CLCN5: variants seen among roughly 807,000 people sequenced by gnomAD.
CLCN5 encodes the protein H(+)/Cl(-) exchange transporter 5.
In CLCN5, 17 loss-of-function variants were observed where a neutral mutation model predicts 54.0. The ratio of observed to expected loss-of-function variants is 0.31; its 90% CI spans 0.22 to 0.47. CLCN5 has a LOEUF of 0.47. CLCN5 is among the 20% of genes least tolerant of loss of function. The pLI is 1.00. For missense variants in CLCN5, 448 were observed against 646.7 expected (o/e 0.69, Z 3.33); for synonymous variants, 222 against 233.0 (o/e 0.95, Z 0.43).
At chrX:50,068,769 A>G (rs1426648153) in intron 4 of CLCN5, among the ~76,000 whole-genome samples, 4 of 111,158 alleles carry the variant, frequency 3.6e-5, no homozygotes, top group Non-Finnish European at 7.5e-5. Context: ...GTCTGGAGGA[A>G]GCCTTGTCCC....
chrX:50,058,134 T>C (rs1452434045), intron 4 of CLCN5, among the ~76,000 whole-genome samples: 2 of 111,832 alleles, frequency 1.8e-5, no homozygotes, highest in Non-Finnish European at 3.8e-5. Flanking sequence ...CTGAAATACA[T>C]TTTTTAAAGG....
intron 4 of CLCN5, among the ~76,000 whole-genome samples, chrX:50,044,735 C>G (rs1932337710): frequency 9.0e-6 from 1 of 111,407 alleles, no homozygotes; most frequent in Non-Finnish European, 1.9e-5. Context: ...TACATTATCA[C>G]AAGGGCAGGG....
rs1271919936 is a variant in CLCN5, at chrX:50,097,853, G to A, written c.*5634G>A. 8.9e-6 allele frequency: 1 copy of A among 112,324 alleles called. No individual in the cohort carries two copies. Among genetic ancestry groups the A allele is most frequent in the African/African-American group, 3.2e-5 (1 of 30,810 alleles). 9.3% of individuals were successfully genotyped at this position (112,324 alleles called of 1,213,427 possible). A position where few individuals can be genotyped will look rare whatever the true frequency, so the allele number is the denominator to read the frequency against. On this transcript the variant is annotated 3_prime_UTR_variant, in exon 15 of 15. Transcript: ENST00000376091. ...TAGCATCTCAAGGCAGACATATGAA[G>A]TATTTACTGCTAAACTATATTACTT...
chrX:49,989,606 C>T (rs982961026), intron 3 of CLCN5, among the ~76,000 whole-genome samples: 4 of 111,908 alleles, frequency 3.6e-5, no homozygotes, highest in Non-Finnish European at 7.5e-5. Flanking sequence ...ACATACAGAG[C>T]ACCTACTTTC....
chrX:50,098,575 T>C lies in CLCN5; in HGVS notation c.*6356T>C. ...GACTCGACATTTTAATGCCTGAGAGTTGGTGAAAGTTCAGCTGAAGCTAAT... is the reference window on the plus strand; with the variant it reads ...GACTCGACATTTTAATGCCTGAGAGCTGGTGAAAGTTCAGCTGAAGCTAAT... On this transcript the variant is annotated 3_prime_UTR_variant, in exon 15 of 15. Transcript: ENST00000376091. The C allele has an allele frequency of 8.9e-6, 1 of 112,422 alleles. No individual in the cohort carries two copies. The highest frequency in any genetic ancestry group is 1.9e-5 in the Non-Finnish European group (1 of 53,190). 9.3% of individuals were successfully genotyped at this position (112,422 alleles called of 1,213,427 possible).
chrX:49,922,829 C>T (rs1163846413), intron 1 of CLCN5, 37 bp downstream of exon 1: 2 of 113,091 alleles, frequency 1.8e-5, no homozygotes, highest in Non-Finnish European at 3.8e-5. Flanking sequence ...CCAACAGGTC[C>T]TTGGCGGGCC....
intron 3 of CLCN5, among the ~76,000 whole-genome samples, chrX:49,948,282 G>GT (rs1214139286): frequency 1.8e-5 from 2 of 109,420 alleles, no homozygotes; most frequent in Admixed American, 2.0e-4. Flanking sequence ...ATCCTCAGAC[G>GT]TAACCACCAT....
At chrX:50,015,428 G>A (rs782198026) in intron 3 of CLCN5, among the ~76,000 whole-genome samples, 241 of 107,857 alleles carry the variant, frequency 2.2e-3, no homozygotes, top group Non-Finnish European at 2.5e-3. Context: ...TGAATTAGAG[G>A]GGGTGAAGAG....
At chrX:49,935,101 A>T (rs1557169432) in intron 3 of CLCN5, among the ~76,000 whole-genome samples, 1 of 112,051 alleles carries the variant, frequency 8.9e-6, no homozygotes, top group African/African-American at 3.2e-5. Flanking sequence ...AATACACAAT[A>T]ATAACAGAGT....
chrX:49,965,725 A>G (rs1055876606), intron 3 of CLCN5, among the ~76,000 whole-genome samples: 19 of 112,330 alleles, frequency 1.7e-4, no homozygotes, highest in African/African-American at 5.8e-4. Flanking sequence ...ATCTTCAAGA[A>G]TGATATTTGC....
At chrX:49,936,638 G>C (rs1275439907) in intron 3 of CLCN5, among the ~76,000 whole-genome samples, 1 of 112,361 alleles carries the variant, frequency 8.9e-6, no homozygotes, top group Non-Finnish European at 1.9e-5. Flanking sequence ...TAAACTGCAA[G>C]AACTTCAGAT....
chrX:49,932,491 A>G (rs1925709956), intron 3 of CLCN5, among the ~76,000 whole-genome samples: 1 of 112,256 alleles, frequency 8.9e-6, no homozygotes, highest in South Asian at 3.7e-4. Flanking sequence ...ACTCTCAACA[A>G]GTACCTGGCA....
chrX:50,059,336 A>C (rs1932815285), intron 4 of CLCN5, among the ~76,000 whole-genome samples: 1 of 112,060 alleles, frequency 8.9e-6, no homozygotes, highest in South Asian at 3.7e-4. Context: ...GTGTCAGTTA[A>C]CCATTTAGAG....
At chrX:50,047,072 A>G (rs1252191125) in intron 4 of CLCN5, among the ~76,000 whole-genome samples, 2 of 111,910 alleles carry the variant, frequency 1.8e-5, no homozygotes, top group East Asian at 2.8e-4. Flanking sequence ...ACCTGAGGGT[A>G]CTTGAAATTT....
At chrX:50,027,966 C>G (rs1205800937) in intron 3 of CLCN5, among the ~76,000 whole-genome samples, 1 of 111,491 alleles carries the variant, frequency 9.0e-6, no homozygotes, top group Non-Finnish European at 1.9e-5. Context: ...GACTTCTTAA[C>G]TAAATTTAAA....
intron 3 of CLCN5, among the ~76,000 whole-genome samples, chrX:49,938,896 C>A (rs2147267225): frequency 9.8e-6 from 1 of 102,274 alleles, no homozygotes; most frequent in African/African-American, 3.5e-5. Flanking sequence ...ACTCATCTGA[C>A]AAAGGGCTAA....
intron 4 of CLCN5, 154 bp downstream of exon 4, chrX:50,042,616 G>A: frequency 3.0e-6 from 1 of 333,514 alleles, no homozygotes; most frequent in Non-Finnish European, 5.0e-6. Context: ...ACAGGATACA[G>A]AACAGTTCAA....
At chrX:49,948,234 G>A (rs1601967807) in intron 3 of CLCN5, among the ~76,000 whole-genome samples, 1 of 105,574 alleles carries the variant, frequency 9.5e-6, no homozygotes, top group Non-Finnish European at 1.9e-5. Flanking sequence ...TAATATAGAT[G>A]CATCTAGAGT....
chrX:49,971,069 C>T (rs191228363), intron 3 of CLCN5, among the ~76,000 whole-genome samples: 5 of 108,879 alleles, frequency 4.6e-5, no homozygotes, highest in Non-Finnish European at 7.6e-5. Context: ...TATTTATAAA[C>T]GCAATTGTTT....
Sources: gnomAD v4.1 joint callset for allele counts (sites outside exome capture counted in the v4.1 genomes callset) on GRCh38, gnomAD v4.1.1 for gene constraint, MANE v1.5 for transcripts, NCBI Gene and HGNC (gene_info 2026-07-23, HGNC 2026-07-21) for gene names.